CDH3: variants seen among roughly 807,000 people sequenced by gnomAD.
CDH3 encodes the protein cadherin-3.
Under a neutral mutation model 82.0 loss-of-function variants are expected in CDH3, and 54 were observed. The observed-to-expected ratio is 0.66, with a 90% CI of 0.53 to 0.83. The LOEUF (loss-of-function observed/expected upper bound fraction) is 0.83. CDH3 is among the 40% of genes least tolerant of loss of function. CDH3 has a pLI of 0.00. For missense variants in CDH3, 1,054 were observed against 1,084.6 expected (o/e 0.97, Z 0.40); for synonymous variants, 446 against 437.9 (o/e 1.02, Z -0.23).
chr16:68,721,818 G>C (rs1962167592), intron 1 of CDH3, among the ~76,000 whole-genome samples: 1 of 152,160 alleles, frequency 6.6e-6, no homozygotes, highest in Non-Finnish European at 1.5e-5. Flanking sequence ...GGCCAGGCGT[G>C]GTGGCTCACG....
Position 68,679,746 on chromosome 16 carries a change from G to C in CDH3, c.692-53G>C, listed in dbSNP as rs1597807645. On this transcript the variant is annotated intron_variant, in intron 6 of 15. Coordinates refer to ENST00000264012, the MANE Select transcript of CDH3 (RefSeq NM_001793.6). Reference sequence around the variant, plus strand: ...AAAGAAAAAAAGAGTTCCAGAAGTAGACAGGGCTGGAGTTGGAACTGGGAG... The same window carrying C: ...AAAGAAAAAAAGAGTTCCAGAAGTACACAGGGCTGGAGTTGGAACTGGGAG... 1.0e-5 allele frequency: 9 copies of C among 895,444 alleles called. No homozygotes were observed. The East Asian group carries it at 2.0e-4, about 20-fold the overall frequency. 55.5% of individuals were successfully genotyped at this position (895,444 alleles called of 1,614,324 possible). A position where few individuals can be genotyped will look rare whatever the true frequency, so the allele number is the denominator to read the frequency against.
chr16:68,650,171 A>G (rs970153581), intron 2 of CDH3, among the ~76,000 whole-genome samples: 2 of 152,110 alleles, frequency 1.3e-5, no homozygotes, highest in Non-Finnish European at 2.9e-5. Flanking sequence ...GGCAGGCCTG[A>G]GGGTCCTAGA....
chr16:68,665,741 A>G (rs890979449), intron 2 of CDH3, among the ~76,000 whole-genome samples: 2 of 152,046 alleles, frequency 1.3e-5, no homozygotes, highest in Non-Finnish European at 2.9e-5. Context: ...CCGCGTTCCA[A>G]ACTCTCAGAG....
intron 2 of CDH3, among the ~76,000 whole-genome samples, chr16:68,724,191 C>T (rs529743217): frequency 2.7e-5 from 4 of 150,024 alleles, no homozygotes; most frequent in East Asian, 2.0e-4. Context: ...GCCAAGACTG[C>T]GCCACTGCAC....
intron 2 of CDH3, among the ~76,000 whole-genome samples, chr16:68,669,697 C>T (rs1177618941): frequency 1.3e-5 from 2 of 152,064 alleles, no homozygotes; most frequent in African/African-American, 4.8e-5. Context: ...CATTAGCCTC[C>T]TTCTGGGTTA....
chr16:68,711,636 G>A (rs866887499), intron 1 of CDH3, among the ~76,000 whole-genome samples: 3 of 152,200 alleles, frequency 2.0e-5, no homozygotes, highest in African/African-American at 4.8e-5. Context: ...TGGAGAGGAA[G>A]GGAAAGGGGA....
At chr16:68,689,808 T>C (rs1412258931) in intron 12 of CDH3, among the ~76,000 whole-genome samples, 1 of 151,088 alleles carries the variant, frequency 6.6e-6, no homozygotes, top group Non-Finnish European at 1.5e-5. Flanking sequence ...TAACTTGAAA[T>C]CTGTGCTGAG....
chr16:68,711,841 G>C (rs138288649), intron 1 of CDH3, among the ~76,000 whole-genome samples: 108 of 152,162 alleles, frequency 7.1e-4, no homozygotes, highest in African/African-American at 2.4e-3. Context: ...TCGGACAGTG[G>C]AGTGGGAGGA....
chr16:68,712,551 T>C lies in CDH3; in HGVS notation c.100-9874T>C, dbSNP rs144945759. Among the ~76,000 whole-genome samples, 98 of 152,240 alleles carry C rather than the reference T, an allele frequency of 6.4e-4. 1 individual carries two copies. Among genetic ancestry groups the C allele is most frequent in the Admixed American group, 1.8e-3 (28 of 15,276 alleles). ...CAATCAGGTGGCCAGAGTGATCTGA[T>C]CTTTCTAAGATGAAAATCCAATACC... On this transcript the variant is annotated intron_variant, in intron 1 of 2. Transcript: ENST00000569080.
At position 68,660,884 on chromosome 16, in the gene CDH3, G is replaced by A. The variant is rs1267806952; in HGVS notation, c.160+15134G>A. Among the ~76,000 whole-genome samples the A allele has an allele frequency of 3.3e-5, 5 of 151,928 alleles. No homozygotes were observed. The Middle Eastern group carries it at 0.01, about 310-fold the overall frequency. Reference sequence around the variant, plus strand: ...TGAGGCAGGAGAATGGCGTGAACCCGGGAGGCAGAGCTTGCAGTGAGCCGA... The same window carrying A: ...TGAGGCAGGAGAATGGCGTGAACCCAGGAGGCAGAGCTTGCAGTGAGCCGA... On this transcript the variant is annotated intron_variant, in intron 2 of 15. Coordinates refer to ENST00000264012, the MANE Select transcript of CDH3 (RefSeq NM_001793.6).
chr16:68,701,332 A>C (rs1346879476), downstream of CDH3, among the ~76,000 whole-genome samples: 1 of 152,130 alleles, frequency 6.6e-6, no homozygotes, highest in East Asian at 1.9e-4. Flanking sequence ...TCTCATCTGC[A>C]AAACAGAAGC....
intron 1 of CDH3, among the ~76,000 whole-genome samples, chr16:68,713,415 G>A (rs1200908577): frequency 6.6e-6 from 1 of 151,642 alleles, no homozygotes; most frequent in Non-Finnish European, 1.5e-5. Flanking sequence ...GAGCTGCCAG[G>A]GAATAGTGTC....
chr16:68,652,175 A>T (rs1960268947), intron 2 of CDH3, among the ~76,000 whole-genome samples: 1 of 152,116 alleles, frequency 6.6e-6, no homozygotes, highest in Admixed American at 6.6e-5. Context: ...CCAGGGAGAT[A>T]TCCATAAATG....
intron 2 of CDH3, 114 bp from the exon 3 acceptor site, chr16:68,676,271 C>T: frequency 1.3e-6 from 1 of 756,622 alleles, no homozygotes; most frequent in Non-Finnish European, 2.4e-6. Flanking sequence ...CTCCCTTCTG[C>T]AGCCACTTAG....
chr16:68,731,447 C>CATAT (rs1962290942), downstream of CDH3, among the ~76,000 whole-genome samples: 1 of 9,156 alleles, frequency 1.1e-4, no homozygotes, highest in Non-Finnish European at 2.4e-4. Flanking sequence ...TATATACACA[C>CATAT]ACACGTATAT....
chr16:68,679,712 A>AG lies in CDH3; in HGVS notation c.692-87_692-86insG. ...TTCATCTCAAAAAAAAAAAAAAAAA[A>AG]AAAAAAGAAAAGAAAAAAAGAGTTC... is the stretch of plus-strand genomic sequence containing the variant. On this transcript the variant is annotated intron_variant, in intron 6 of 15. Coordinates refer to ENST00000264012, the MANE Select transcript of CDH3 (RefSeq NM_001793.6). 1.3e-5 allele frequency: 10 copies of AG among 788,512 alleles called. No homozygotes were observed. In the East Asian group the frequency reaches 2.1e-4, roughly 17 times the overall value. 48.8% of individuals were successfully genotyped at this position (788,512 alleles called of 1,614,324 possible).
At chr16:68,685,077 G>T (rs886996277) in intron 10 of CDH3, 128 bp from the exon 11 acceptor site, 4 of 1,214,372 alleles carry the variant, frequency 3.3e-6, no homozygotes, top group Admixed American at 3.6e-5. Context: ...TATGGGCGAG[G>T]TGCATTTTCC....
Position 68,687,787 on chromosome 16 carries a change from C to T in CDH3, c.1795+51C>T, listed in dbSNP as rs1387204571. 2.3e-6 allele frequency: 3 copies of T among 1,309,098 alleles called. No homozygotes were observed. The East Asian group carries it at 7.0e-5, about 30-fold the overall frequency. 81.1% of individuals were successfully genotyped at this position (1,309,098 alleles called of 1,614,324 possible). Reference sequence around the variant, plus strand: ...GTGGGGTGCCAGCCCCACTGGTGGGCATCTGCCCCACACCAGGATTCTGCA... The same window carrying T: ...GTGGGGTGCCAGCCCCACTGGTGGGTATCTGCCCCACACCAGGATTCTGCA... On this transcript the variant is annotated intron_variant, in intron 12 of 15. Coordinates refer to ENST00000264012, the MANE Select transcript of CDH3 (RefSeq NM_001793.6).
chr16:68,652,538 C>T (rs1037206913), intron 2 of CDH3, among the ~76,000 whole-genome samples: 2 of 152,128 alleles, frequency 1.3e-5, no homozygotes, highest in African/African-American at 4.8e-5. Flanking sequence ...AGGCTTTGGT[C>T]CTGAGGCTGA....
Sources: gnomAD v4.1 joint callset for allele counts (sites outside exome capture counted in the v4.1 genomes callset) on GRCh38, gnomAD v4.1.1 for gene constraint, MANE v1.5 for transcripts, NCBI Gene and HGNC (gene_info 2026-07-23, HGNC 2026-07-21) for gene names.